Variants in PRMT6 observed in about 807,000 individuals in gnomAD.
The protein encoded by PRMT6 is protein arginine methyltransferase 6.
In PRMT6, 23 loss-of-function variants were observed where a neutral mutation model predicts 30.5. The ratio of observed to expected loss-of-function variants is 0.75; its 90% CI spans 0.54 to 1.07. The LOEUF is 1.07. Among genes scored for constraint, PRMT6 ranks in the 50% least tolerant of loss-of-function variants. The probability of loss-of-function intolerance (pLI) is 0.00; values close to 1 mark genes in which losing one functional copy is unlikely to be tolerated. For synonymous variants in PRMT6, 265 were observed against 228.0 expected (o/e 1.16, Z -1.46); for missense variants, 528 against 514.3 (o/e 1.03, Z -0.26).
At position 107,056,868 on chromosome 1, in the gene PRMT6, C is replaced by T. The variant is rs767394283; in HGVS notation, c.153C>T (p.Tyr51=). 21 of 1,613,568 alleles carry T rather than the reference C, an allele frequency of 1.3e-5. No individual in the cohort carries two copies. The highest frequency in any genetic ancestry group is 1.7e-5 in the Admixed American group (1 of 59,976). The change falls in exon 1 of 1, where the codon TAC becomes TAT. Residue 51 remains tyrosine, a synonymous_variant. Transcript: ENST00000370078. ...GGGACCAGCTGTACTACGAGTGCTA[C>T]TCGGACGTTTCGGTCCACGAGGAGA... ...RERDQLYYEC[Y]SDVSVHEEMI... is the part of the protein sequence containing the mutation.
Position 107,057,487 on chromosome 1 carries a change from C to T in PRMT6, c.772C>T (p.Leu258Phe). The change falls in exon 1 of 1, where the codon CTC becomes TTC. Residue 258 changes from leucine to phenylalanine, a missense_variant. Physicochemically the swap from Leu to Phe is conservative, Grantham distance 22. Transcript: ENST00000370078. ...ARPQRFAQLE[L>F]SRAGLEQELE... ...GCCGCAGCGCTTTGCTCAGCTAGAG[C>T]TCTCCCGCGCCGGCTTGGAGCAGGA... The T allele has an allele frequency of 6.2e-7, 1 of 1,613,084 alleles. No individual in the cohort carries two copies. Among genetic ancestry groups the T allele is most frequent in the South Asian group, 1.1e-5 (1 of 90,950 alleles).
Position 107,056,852 on chromosome 1 carries a change from T to A in PRMT6, c.137T>A (p.Leu46Gln). ...PRRTKRERDQ[L>Q]YYECYSDVSV... ...AGGACTAAGCGGGAACGGGACCAGCTGTACTACGAGTGCTACTCGGACGTT... is the reference window on the plus strand; with the variant it reads ...AGGACTAAGCGGGAACGGGACCAGCAGTACTACGAGTGCTACTCGGACGTT... The change falls in exon 1 of 1, where the codon CTG becomes CAG. Residue 46 changes from leucine (L) to glutamine (Q), a missense_variant. By Grantham distance (113) the Leu-to-Gln change is moderately radical. Transcript: ENST00000370078. The A allele has an allele frequency of 2.5e-6, 4 of 1,612,992 alleles. No homozygotes were observed. The highest frequency in any genetic ancestry group is 3.4e-6 in the Non-Finnish European group (4 of 1,179,542).
At position 107,058,139 on chromosome 1, in the gene PRMT6, G is replaced by A. The variant is rs1242342805; in HGVS notation, c.*296G>A. On this transcript the variant is annotated 3_prime_UTR_variant, in exon 1 of 1. Coordinates refer to ENST00000370078, the MANE Select transcript of PRMT6 (RefSeq NM_018137.3). ...CTTGTATTTCCGTATATTTTGTTTC[G>A]CGGGGGAGTGAGGGGGAAGAACACG... 2 of 454,850 alleles carry A rather than the reference G, an allele frequency of 4.4e-6. No homozygotes were observed. Among genetic ancestry groups the A allele is most frequent in the Admixed American group, 3.6e-5 (1 of 27,452 alleles). 28.2% of individuals were successfully genotyped at this position (454,850 alleles called of 1,614,324 possible). A position where few individuals can be genotyped will look rare whatever the true frequency, so the allele number is the denominator to read the frequency against.
Position 107,057,531 on chromosome 1 carries a change from C to CG in PRMT6, c.819dup (p.Arg274AlafsTer146), listed in dbSNP as rs779048072. ...AGCAGGAGCTGGAGGCCGGAGTGGG[C>CG]GGGCGCTTCCGCTGCAGCTGCTATG... On this transcript the variant is annotated frameshift_variant, in exon 1 of 1. Coordinates refer to ENST00000370078, the MANE Select transcript of PRMT6 (RefSeq NM_018137.3). LOFTEE classifies it high-confidence loss of function. The CG allele has an allele frequency of 1.9e-6, 3 of 1,613,472 alleles. No homozygotes were observed. Among genetic ancestry groups the CG allele is most frequent in the Non-Finnish European group, 2.5e-6 (3 of 1,179,860 alleles).
In PRMT6 at chr1:107,058,067, G is replaced by T. The variant is rs991649094; in HGVS notation, c.*224G>T. Reference sequence around the variant, plus strand: ...GATCCCCCTCAACAACGGATACAGCGTGCTTATTATTGGGCATTTAGCCTC... The same window carrying T: ...GATCCCCCTCAACAACGGATACAGCTTGCTTATTATTGGGCATTTAGCCTC... On this transcript the variant is annotated 3_prime_UTR_variant, in exon 1 of 1. Coordinates refer to ENST00000370078, the MANE Select transcript of PRMT6 (RefSeq NM_018137.3). The T allele has an allele frequency of 3.0e-5, 19 of 643,614 alleles. No individual in the cohort carries two copies. In the East Asian group the frequency reaches 5.5e-4, roughly 19 times the overall value. The allele number at this position is 643,614 out of a possible 1,614,324, so 39.9% of individuals were successfully genotyped here.
chr1:107,057,902 A>G lies in PRMT6; in HGVS notation c.*59A>G, dbSNP rs1390429785. The G allele has an allele frequency of 1.3e-6, 2 of 1,551,308 alleles. No homozygotes were observed. Among genetic ancestry groups the G allele is most frequent in the Non-Finnish European group, 1.7e-6 (2 of 1,146,804 alleles). ...AGCCTGACCTGCGTGGGAGAGGCGT[A>G]GCGAGGTCGGAGGGGAAAGGGAGAT... On this transcript the variant is annotated 3_prime_UTR_variant, in exon 1 of 1. Coordinates refer to ENST00000370078, the MANE Select transcript of PRMT6 (RefSeq NM_018137.3).
Position 107,058,582 on chromosome 1 carries a change from A to G in PRMT6, c.*739A>G, listed in dbSNP as rs1570651964. 6.0e-6 allele frequency: 1 copy of G among 167,260 alleles called. No individual in the cohort carries two copies. Among genetic ancestry groups the G allele is most frequent in the Non-Finnish European group, 1.5e-5 (1 of 68,146 alleles). The allele number at this position is 167,260 out of a possible 1,614,324, so 10.4% of individuals were successfully genotyped here. ...AAGAGAGAGACCTGAAAGAAATAGT[A>G]TGGATTTTTAAAAATTCTTGTCTCT... On this transcript the variant is annotated 3_prime_UTR_variant, in exon 1 of 1. Coordinates refer to ENST00000370078, the MANE Select transcript of PRMT6 (RefSeq NM_018137.3).
Position 107,057,442 on chromosome 1 carries a change from G to C in PRMT6, c.727G>C (p.Gly243Arg), listed in dbSNP as rs1651751959. The C allele has an allele frequency of 6.2e-7, 1 of 1,613,412 alleles. No homozygotes were observed. Among genetic ancestry groups the C allele is most frequent in the Non-Finnish European group, 8.5e-7 (1 of 1,179,832 alleles). ...HSEIVVQGLS[G>R]EDVLARPQRF... ...GGAGATCGTTGTGCAGGGATTGTCCGGCGAGGACGTGCTGGCCCGGCCGCA... is the reference window on the plus strand; with the variant it reads ...GGAGATCGTTGTGCAGGGATTGTCCCGCGAGGACGTGCTGGCCCGGCCGCA... The change falls in exon 1 of 1, where the codon GGC (glycine) becomes CGC (arginine). Residue 243 changes from glycine to arginine, a missense_variant. Transcript: ENST00000370078.
rs754439506 is a variant in PRMT6, at chr1:107,057,125, C to T, written c.410C>T (p.Pro137Leu). The change falls in exon 1 of 1, where the codon CCG becomes CTG. Residue 137 changes from proline to leucine, a missense_variant. Pro to Leu is a moderately conservative substitution (Grantham distance 98). Coordinates refer to ENST00000370078, the MANE Select transcript of PRMT6 (RefSeq NM_018137.3). Reference protein sequence around the residue: ...NGLEDRVHVLPGPVETVELPE... With the variant: ...NGLEDRVHVLLGPVETVELPE... ...CTGGAGGACCGGGTGCACGTCCTGCCGGGACCAGTGGAGACTGTAGAGTTG... is the reference window on the plus strand; with the variant it reads ...CTGGAGGACCGGGTGCACGTCCTGCTGGGACCAGTGGAGACTGTAGAGTTG... 179 of 1,607,142 alleles carry T rather than the reference C, an allele frequency of 1.1e-4. No individual in the cohort carries two copies. Among genetic ancestry groups the T allele is most frequent in the Non-Finnish European group, 1.4e-4 (167 of 1,179,944 alleles).
rs1651766137 is a variant in PRMT6 at position 107,057,789 on chromosome 1, C to G, written c.1074C>G (p.Arg358=). The G allele has an allele frequency of 6.2e-7, 1 of 1,610,268 alleles. No individual in the cohort carries two copies. The highest frequency in any genetic ancestry group is 8.5e-7 in the Non-Finnish European group (1 of 1,178,088). Residue 358 remains arginine, a synonymous_variant, in exon 1 of 1, where the codon CGC becomes CGG. Coordinates refer to ENST00000370078, the MANE Select transcript of PRMT6 (RefSeq NM_018137.3). ...CCCGTCGCCTGCGCGTGCTGCTGCG[C>G]TACAAAGTGGGAGACCAGGAGGAGA... ...DNPRRLRVLL[R]YKVGDQEEKT...
chr1:107,057,942 G>C lies in PRMT6; in HGVS notation c.*99G>C. On this transcript the variant is annotated 3_prime_UTR_variant, in exon 1 of 1. Coordinates refer to ENST00000370078, the MANE Select transcript of PRMT6 (RefSeq NM_018137.3). ...GAAAGGGAGATCCCACGTGCAAGTA[G>C]GGGGAATATCTCCCCCTTTTCCCTC... 6.7e-7 allele frequency: 1 copy of C among 1,484,496 alleles called. No homozygotes were observed. The highest frequency in any genetic ancestry group is 9.2e-7 in the Non-Finnish European group (1 of 1,086,944). The allele number at this position is 1,484,496 out of a possible 1,614,324, so 92.0% of individuals were successfully genotyped here. A position where few individuals can be genotyped will look rare whatever the true frequency, so the allele number is the denominator to read the frequency against.
rs959274803 is a variant in PRMT6 at position 107,056,835 on chromosome 1, G to T, written c.120G>T (p.Lys40Asn). The change falls in exon 1 of 1, where the codon AAG becomes AAT. Residue 40 changes from lysine (K) to asparagine (N), a missense_variant. Physicochemically the swap from Lys to Asn is moderately conservative, Grantham distance 94. Transcript: ENST00000370078. ...CCCTGGAGCGACCCCGGAGGACTAAGCGGGAACGGGACCAGCTGTACTACG... is the reference window on the plus strand; with the variant it reads ...CCCTGGAGCGACCCCGGAGGACTAATCGGGAACGGGACCAGCTGTACTACG... ...EAALERPRRT[K>N]RERDQLYYEC... 7 of 1,609,346 alleles carry T rather than the reference G, an allele frequency of 4.3e-6. No individual in the cohort carries two copies. The Admixed American group carries it at 5.0e-5, about 12-fold the overall frequency.
chr1:107,057,644 C>T lies in PRMT6; in HGVS notation c.929C>T (p.Ser310Leu), dbSNP rs1651761681. 6.2e-7 allele frequency: 1 copy of T among 1,614,098 alleles called. No homozygotes were observed. Among genetic ancestry groups the T allele is most frequent in the South Asian group, 1.1e-5 (1 of 91,088 alleles). Residue 310 changes from serine to leucine, a missense_variant, in exon 1 of 1, where the codon TCG becomes TTG. Transcript: ENST00000370078. ...ESEKPLVLSTSPFHPATHWKQ... is the reference protein window; with the variant it reads ...ESEKPLVLSTLPFHPATHWKQ... ...GAGAAACCCCTGGTGCTGTCCACCT[C>T]GCCTTTTCACCCGGCCACTCACTGG...
At position 107,058,309 on chromosome 1, in the gene PRMT6, T is replaced by G. The variant is rs536923088; in HGVS notation, c.*466T>G. 8.2e-4 allele frequency: 167 copies of G among 204,886 alleles called. 2 individuals carry two copies. In the South Asian group the frequency reaches 0.016, roughly 19 times the overall value. The allele number at this position is 204,886 out of a possible 1,614,324, so 12.7% of individuals were successfully genotyped here. ...AGTATCTCTCCAGAGCCATATTTTC[T>G]CAGTCCGAATTAATTCCCCCTCCCT... On this transcript the variant is annotated 3_prime_UTR_variant, in exon 1 of 1. Coordinates refer to ENST00000370078, the MANE Select transcript of PRMT6 (RefSeq NM_018137.3).
chr1:107,058,158 G>C lies in PRMT6; in HGVS notation c.*315G>C. 2.4e-6 allele frequency: 1 copy of C among 419,534 alleles called. No individual in the cohort carries two copies. The highest frequency in any genetic ancestry group is 2.2e-5 in the South Asian group (1 of 46,350). The allele number at this position is 419,534 out of a possible 1,614,324, so 26.0% of individuals were successfully genotyped here. A position where few individuals can be genotyped will look rare whatever the true frequency, so the allele number is the denominator to read the frequency against. ...TGTTTCGCGGGGGAGTGAGGGGGAA[G>C]AACACGGATGAAAATGTCAGTTTTT... On this transcript the variant is annotated 3_prime_UTR_variant, in exon 1 of 1. Transcript: ENST00000370078.
Position 107,059,266 on chromosome 1 carries a change from A to G in PRMT6, c.*1423A>G, listed in dbSNP as rs1012619605. The stretch of plus-strand genomic sequence containing the variant: ...AATTTTCTGCCCTTTTATTCATTGC[A>G]TATTAAAGTATTAGAGTATAAAAAC... On this transcript the variant is annotated 3_prime_UTR_variant, in exon 1 of 1. Coordinates refer to ENST00000370078, the MANE Select transcript of PRMT6 (RefSeq NM_018137.3). 1.2e-5 allele frequency: 2 copies of G among 166,288 alleles called. No homozygotes were observed. Among genetic ancestry groups the G allele is most frequent in the Non-Finnish European group, 2.9e-5 (2 of 68,122 alleles). The allele number at this position is 166,288 out of a possible 1,614,324, so 10.3% of individuals were successfully genotyped here. A position where few individuals can be genotyped will look rare whatever the true frequency, so the allele number is the denominator to read the frequency against.
rs1651759477 is a variant in PRMT6 at position 107,057,580 on chromosome 1, G to A, written c.865G>A (p.Ala289Thr). ...CYGSAPMHGF[A>T]IWFQVTFPGG... ...TGGCTCGGCGCCCATGCATGGCTTT[G>A]CCATCTGGTTCCAGGTGACCTTCCC... The change falls in exon 1 of 1, where the codon GCC becomes ACC. Residue 289 changes from alanine to threonine, a missense_variant. Physicochemically the swap from Ala to Thr is moderately conservative, Grantham distance 58 (BLOSUM62 0). Coordinates refer to ENST00000370078, the MANE Select transcript of PRMT6 (RefSeq NM_018137.3). The A allele has an allele frequency of 6.2e-7, 1 of 1,614,026 alleles. No homozygotes were observed.
In PRMT6 at chr1:107,057,494, G is replaced by A; in HGVS notation, c.779G>A (p.Arg260His). 3.1e-6 allele frequency: 5 copies of A among 1,613,174 alleles called. No homozygotes were observed. The highest frequency in any genetic ancestry group is 4.2e-6 in the Non-Finnish European group (5 of 1,179,730). ...CGCTTTGCTCAGCTAGAGCTCTCCC[G>A]CGCCGGCTTGGAGCAGGAGCTGGAG... ...PQRFAQLELS[R>H]AGLEQELEAG... The change falls in exon 1 of 1, where the codon CGC (arginine) becomes CAC (histidine). Residue 260 changes from arginine (R) to histidine (H), a missense_variant. Coordinates refer to ENST00000370078, the MANE Select transcript of PRMT6 (RefSeq NM_018137.3).
chr1:107,057,930 C>A lies in PRMT6; in HGVS notation c.*87C>A. 2 of 1,520,958 alleles carry A rather than the reference C, an allele frequency of 1.3e-6. No individual in the cohort carries two copies. The highest frequency in any genetic ancestry group is 1.8e-6 in the Non-Finnish European group (2 of 1,119,726). 94.2% of individuals were successfully genotyped at this position (1,520,958 alleles called of 1,614,324 possible). Reference sequence around the variant, plus strand: ...GAGGTCGGAGGGGAAAGGGAGATCCCACGTGCAAGTAGGGGGAATATCTCC... The same window carrying A: ...GAGGTCGGAGGGGAAAGGGAGATCCAACGTGCAAGTAGGGGGAATATCTCC... On this transcript the variant is annotated 3_prime_UTR_variant, in exon 1 of 1. Coordinates refer to ENST00000370078, the MANE Select transcript of PRMT6 (RefSeq NM_018137.3).
Sources: allele counts gnomAD v4.1 joint callset, GRCh38; gene constraint gnomAD v4.1.1; transcripts MANE v1.5; gene names NCBI Gene and HGNC (gene_info 2026-07-23, HGNC 2026-07-21).